Variants in CAMTA1 observed in about 807,000 individuals in gnomAD.
CAMTA1 encodes the protein calmodulin binding transcription activator 1, also known as calmodulin-binding transcription activator 1.
CAMTA1 carries 27 observed loss-of-function variants against 170.9 expected under a neutral mutation model. The ratio of observed to expected loss-of-function variants is 0.16; its 90% CI spans 0.12 to 0.22. CAMTA1 has a LOEUF of 0.22. CAMTA1 is among the 10% of genes least tolerant of loss of function. CAMTA1 has a pLI of 1.00. For missense variants in CAMTA1, 1,619 were observed against 2,217.2 expected (o/e 0.73, Z 5.42); for synonymous variants, 833 against 891.5 (o/e 0.93, Z 1.17).
intron 4 of CAMTA1, among the ~76,000 whole-genome samples, chr1:7,117,779 T>G (rs1286826428): frequency 6.6e-6 from 1 of 152,148 alleles, no homozygotes; most frequent in Non-Finnish European, 1.5e-5. Flanking sequence ...CACCAGCTCC[T>G]CCTCCTTTGT....
intron 7 of CAMTA1, among the ~76,000 whole-genome samples, chr1:7,655,427 C>T (rs1481657667): frequency 2.7e-5 from 4 of 145,792 alleles, no homozygotes; most frequent in African/African-American, 1.0e-4. Context: ...CACACCTATC[C>T]ACATACACAA....
At chr1:7,405,453 C>T (rs2090218953) in intron 5 of CAMTA1, among the ~76,000 whole-genome samples, 1 of 152,178 alleles carries the variant, frequency 6.6e-6, no homozygotes, top group Non-Finnish European at 1.5e-5. Flanking sequence ...TCCCTTCAGC[C>T]TTAACTTCTC....
At chr1:7,347,424 G>T (rs2084307467) in intron 5 of CAMTA1, among the ~76,000 whole-genome samples, 1 of 152,184 alleles carries the variant, frequency 6.6e-6, no homozygotes, top group Non-Finnish European at 1.5e-5. Context: ...ACGGGCTTTG[G>T]CTTTGATTTG....
chr1:7,135,153 G>A (rs941108288), intron 4 of CAMTA1, among the ~76,000 whole-genome samples: 30 of 152,130 alleles, frequency 2.0e-4, no homozygotes, highest in African/African-American at 5.6e-4. Context: ...TTGGGAGGCC[G>A]GGGCAGGCGG....
In CAMTA1 at chr1:7,736,064, T is replaced by C. The variant is rs2096770124; in HGVS notation, c.3067-280T>C. Among the ~76,000 whole-genome samples, 1 of 151,852 alleles carries C rather than the reference T, an allele frequency of 6.6e-6. No individual in the cohort carries two copies. The highest frequency in any genetic ancestry group is 2.4e-5 in the African/African-American group (1 of 41,318). ...TGCTGGGATTTCAGGCATGAGCCAC[T>C]GTGCGCAGCCTAAATTTTGTACTTT... On this transcript the variant is annotated intron_variant, in intron 12 of 22. Coordinates refer to ENST00000303635, the MANE Select transcript of CAMTA1 (RefSeq NM_015215.4). The surrounding 1 kb of genome is among the most constrained non-coding windows in gnomAD (Gnocchi z 4.5).
At chr1:7,716,375 C>A (rs2096609956) in intron 11 of CAMTA1, among the ~76,000 whole-genome samples, 2 of 151,850 alleles carry the variant, frequency 1.3e-5, no homozygotes, top group African/African-American at 2.4e-5. Context: ...TTTTATTAGC[C>A]CCTAATAATA....
chr1:7,732,678 C>A lies in CAMTA1; in HGVS notation c.3066+79C>A, dbSNP rs961379516. 6.8e-7 allele frequency: 1 copy of A among 1,473,340 alleles called. No homozygotes were observed. Among genetic ancestry groups the A allele is most frequent in the South Asian group, 1.4e-5 (1 of 71,322 alleles). 91.3% of individuals were successfully genotyped at this position (1,473,340 alleles called of 1,614,324 possible). ...GCGAGGCAGTGGATGGATCACAGGC[C>A]TCTTCTCTGCTGCTGATGCGGTCCC... On this transcript the variant is annotated intron_variant, in intron 12 of 22. Coordinates refer to ENST00000303635, the MANE Select transcript of CAMTA1 (RefSeq NM_015215.4). This position sits in a 1 kb window ranked among gnomAD's most constrained non-coding sequence, Gnocchi z 4.1.
chr1:7,142,192 T>G (rs1246339162), intron 4 of CAMTA1: 1 of 515,804 alleles, frequency 1.9e-6, no homozygotes, highest in Non-Finnish European at 3.9e-6. Flanking sequence ...GTGGGCAGAA[T>G]GAATGGCCAA....
intron 6 of CAMTA1, among the ~76,000 whole-genome samples, chr1:7,599,655 T>C (rs1201335219): frequency 1.3e-5 from 2 of 152,206 alleles, no homozygotes; most frequent in Non-Finnish European, 1.5e-5. Flanking sequence ...AGGTCCTTCA[T>C]GTCCCTTGTA....
At chr1:7,536,608 G>T (rs1037998187) in intron 6 of CAMTA1, among the ~76,000 whole-genome samples, 2 of 152,188 alleles carry the variant, frequency 1.3e-5, no homozygotes, top group Non-Finnish European at 2.9e-5. Flanking sequence ...ACCGGGCAGG[G>T]CTGCTGGGGG....
chr1:7,437,855 A>C (rs1377641388), intron 5 of CAMTA1, among the ~76,000 whole-genome samples: 1 of 152,238 alleles, frequency 6.6e-6, no homozygotes, highest in Non-Finnish European at 1.5e-5. Flanking sequence ...TGTGTCCAGC[A>C]CATGGGTGAA....
chr1:6,823,804 ATAT>A (rs1400525557), intron 2 of CAMTA1, among the ~76,000 whole-genome samples: 1 of 152,174 alleles, frequency 6.6e-6, no homozygotes, highest in Non-Finnish European at 1.5e-5. Context: ...CTGGAAAAAG[ATAT>A]TGTTGTATTT....
intron 3 of CAMTA1, among the ~76,000 whole-genome samples, chr1:6,865,959 T>G (rs780028465): frequency 3.9e-5 from 6 of 152,202 alleles, no homozygotes; most frequent in Non-Finnish European, 8.8e-5. Flanking sequence ...TTAGGTATCT[T>G]GGCATTTAAA....
At chr1:7,107,523 G>T (rs1643728607) in intron 4 of CAMTA1, among the ~76,000 whole-genome samples, 1 of 152,120 alleles carries the variant, frequency 6.6e-6, no homozygotes, top group Non-Finnish European at 1.5e-5. Flanking sequence ...AGATTAATTG[G>T]TGGCGTTGAC....
chr1:7,327,654 G>A (rs1029118065), intron 5 of CAMTA1, among the ~76,000 whole-genome samples: 1 of 152,166 alleles, frequency 6.6e-6, no homozygotes, highest in Non-Finnish European at 1.5e-5. Context: ...ACTGCTGGAG[G>A]AATGTCCTTG....
At chr1:7,112,092 A>C (rs1279753176) in intron 4 of CAMTA1, among the ~76,000 whole-genome samples, 1 of 151,978 alleles carries the variant, frequency 6.6e-6, no homozygotes, top group East Asian at 1.9e-4. Flanking sequence ...TTAACCCCTT[A>C]TCTGGAGCCT....
At chr1:7,049,517 C>A (rs1396165204) in intron 3 of CAMTA1, among the ~76,000 whole-genome samples, 1 of 152,066 alleles carries the variant, frequency 6.6e-6, no homozygotes, top group African/African-American at 2.4e-5. Flanking sequence ...AGTATAGTGG[C>A]ACAATCTCTA....
At chr1:7,610,025 C>G (rs1457889780) in intron 6 of CAMTA1, among the ~76,000 whole-genome samples, 1 of 152,308 alleles carries the variant, frequency 6.6e-6, no homozygotes, top group Middle Eastern at 3.4e-3. Context: ...CAGGAGGGAG[C>G]TGTGCAGCCT....
chr1:7,393,428 G>A (rs559775052), intron 5 of CAMTA1, among the ~76,000 whole-genome samples: 3 of 152,182 alleles, frequency 2.0e-5, no homozygotes, highest in African/African-American at 7.2e-5. Context: ...ACCACACCCA[G>A]CTAATTTTTT....
Sources: gnomAD v4.1 joint callset for allele counts (sites outside exome capture counted in the v4.1 genomes callset) on GRCh38, gnomAD v4.1.1 for gene constraint, Gnocchi (gnomAD v3.1) non-coding constraint, MANE v1.5 for transcripts, NCBI Gene and HGNC (gene_info 2026-07-23, HGNC 2026-07-21) for gene names.